The following GXYLT2 variants were observed in gnomAD, a reference collection of about 807,000 sequenced individuals.
GXYLT2 encodes the protein glucoside xylosyltransferase 2.
A neutral mutation model predicts 45.8 loss-of-function variants in GXYLT2; 53 were observed. The ratio of observed to expected loss-of-function variants is 1.16; its 90% confidence interval spans 0.93 to 1.46. GXYLT2 has a LOEUF of 1.46. GXYLT2 is among the 40% of genes most tolerant of loss of function. The probability of loss-of-function intolerance (pLI) is 0.00; values close to 1 mark genes in which losing one functional copy is unlikely to be tolerated. For synonymous variants in GXYLT2, 219 were observed against 214.2 expected, an observed-to-expected ratio of 1.02 and a Z score of -0.19; for missense variants, 551 against 544.4, an observed-to-expected ratio of 1.01 and a Z score of -0.12.
At chr3:72,899,653 A>G (rs1709363795) in intron 1 of GXYLT2, among the ~76,000 whole-genome samples, 1 of 152,186 alleles carries the variant, frequency 6.6e-6, no homozygotes, top group Non-Finnish European at 1.5e-5. Flanking sequence ...AACACTTGAC[A>G]TGGCTATAAT....
At chr3:72,900,571 C>T (rs1709384622) in intron 1 of GXYLT2, among the ~76,000 whole-genome samples, 1 of 152,036 alleles carries the variant, frequency 6.6e-6, no homozygotes. Context: ...CCCGCAACCA[C>T]ACCCAGCTAC....
rs183558917 is a variant in GXYLT2, at chr3:72,976,487, G to T, written c.*1328G>T. The T allele has an allele frequency of 7.0e-4, 107 of 152,256 alleles. No homozygotes were observed. The highest frequency in any genetic ancestry group is 2.4e-3 in the African/African-American group (101 of 41,560). The allele number at this position is 152,256 out of a possible 1,614,324, so 9.4% of individuals were successfully genotyped here. On this transcript the variant is annotated 3_prime_UTR_variant, in exon 7 of 7. Coordinates refer to ENST00000389617, the MANE Select transcript of GXYLT2 (RefSeq NM_001080393.2). ...ACAAATAGTTCAGCTGCTTCTATTG[G>T]TAAGAAAATTCAACTTCCTACCAGC...
At chr3:72,891,686 A>G (rs1438103495) in intron 1 of GXYLT2, among the ~76,000 whole-genome samples, 1 of 152,244 alleles carries the variant, frequency 6.6e-6, no homozygotes, top group Non-Finnish European at 1.5e-5. Context: ...AAGACAACGT[A>G]TAGTAAAAGA....
At chr3:72,930,577 C>T (rs376011546) in intron 3 of GXYLT2, among the ~76,000 whole-genome samples, 1 of 134,754 alleles carries the variant, frequency 7.4e-6, no homozygotes, top group Non-Finnish European at 1.6e-5. Flanking sequence ...TTTTCTTTTT[C>T]TTTTTCTTCT....
chr3:72,888,078 CGCCGCCGCCG>C lies in GXYLT2; in HGVS notation c.-149_-140del, dbSNP rs961700590. 4.5e-5 allele frequency: 13 copies of C among 290,084 alleles called. No homozygotes were observed. Among genetic ancestry groups the C allele is most frequent in the African/African-American group, 3.0e-4 (13 of 43,400 alleles). 18.0% of individuals were successfully genotyped at this position (290,084 alleles called of 1,614,324 possible). ...CTCTCTCCTCCTCCTTCGCCGTCGCCGCCGCCGCCGGCCGCCCGCCGGCCGCCACGACCCC... is the reference window on the plus strand; with the variant it reads ...CTCTCTCCTCCTCCTTCGCCGTCGCCGCCGCCCGCCGGCCGCCACGACCCC... On this transcript the variant is annotated 5_prime_UTR_variant, in exon 1 of 7. Transcript: ENST00000389617.
intron 1 of GXYLT2, among the ~76,000 whole-genome samples, chr3:72,901,468 G>GAAA (rs71124001): frequency 1.3e-3 from 152 of 115,682 alleles, no homozygotes; most frequent in African/African-American, 3.5e-3. Context: ...TGCATCAAAA[G>GAAA]AAAAAAAAAA....
At position 72,950,733 on chromosome 3, in the gene GXYLT2, C is replaced by T. The variant is rs1710506233; in HGVS notation, c.601-4365C>T. 3.3e-5 allele frequency among the ~76,000 whole-genome samples: 5 copies of T among 152,106 alleles called. No individual in the cohort carries two copies. The South Asian group carries it at 1.0e-3, about 31-fold the overall frequency. The stretch of plus-strand genomic sequence containing the variant: ...AGATTTCAAACCTAAAACTTTTAAC[C>T]ACCAAGTCATACTGTCAAACTCAGA... On this transcript the variant is annotated intron_variant, in intron 3 of 6. Coordinates refer to ENST00000389617, the MANE Select transcript of GXYLT2 (RefSeq NM_001080393.2).
intron 1 of GXYLT2, among the ~76,000 whole-genome samples, chr3:72,904,728 A>G (rs1017871419): frequency 6.6e-6 from 1 of 151,852 alleles, no homozygotes; most frequent in African/African-American, 2.4e-5. Flanking sequence ...GGCTTAAGGA[A>G]TAAGATTTTA....
At chr3:72,924,507 T>A (rs940955738) in intron 3 of GXYLT2, among the ~76,000 whole-genome samples, 4 of 152,084 alleles carry the variant, frequency 2.6e-5, no homozygotes, top group Admixed American at 2.0e-4. Context: ...CTCAGCCCAG[T>A]CTTTTTCTTA....
chr3:72,952,625 G>C (rs1710549439), intron 3 of GXYLT2, among the ~76,000 whole-genome samples: 1 of 152,146 alleles, frequency 6.6e-6, no homozygotes, highest in South Asian at 2.1e-4. Context: ...CTGGAAGTCT[G>C]AGATCAGGGT....
At chr3:72,925,013 C>T (rs916092672) in intron 3 of GXYLT2, among the ~76,000 whole-genome samples, 7 of 152,134 alleles carry the variant, frequency 4.6e-5, no homozygotes, top group Admixed American at 2.0e-4. Flanking sequence ...TCACATCTAT[C>T]GGTCTGGAAA....
intron 4 of GXYLT2, 84 bp downstream of exon 4, chr3:72,955,433 G>A: frequency 7.1e-7 from 1 of 1,401,016 alleles, no homozygotes. Flanking sequence ...TCAATATGCT[G>A]ATTTTGGAAA....
intron 5 of GXYLT2, among the ~76,000 whole-genome samples, chr3:72,963,161 A>G (rs572759545): frequency 2.7e-4 from 41 of 152,184 alleles, no homozygotes; most frequent in Admixed American, 2.6e-3. Flanking sequence ...AAAAATAAAA[A>G]TACATAAAAA....
At chr3:72,952,739 T>G (rs952791403) in intron 3 of GXYLT2, among the ~76,000 whole-genome samples, 5 of 152,044 alleles carry the variant, frequency 3.3e-5, no homozygotes, top group African/African-American at 1.2e-4. Context: ...CACTCTCTGG[T>G]GTCTCTTCTT....
At chr3:72,905,975 C>A (rs1049092036) in intron 1 of GXYLT2, among the ~76,000 whole-genome samples, 2 of 152,138 alleles carry the variant, frequency 1.3e-5, no homozygotes, top group Non-Finnish European at 2.9e-5. Flanking sequence ...TGAGGGTATT[C>A]ATATTTAAGA....
At chr3:72,891,853 A>G (rs1709187668) in intron 1 of GXYLT2, among the ~76,000 whole-genome samples, 1 of 152,234 alleles carries the variant, frequency 6.6e-6, no homozygotes, top group Non-Finnish European at 1.5e-5. Flanking sequence ...GGGAACCATG[A>G]TGGGCTGCCT....
intron 3 of GXYLT2, among the ~76,000 whole-genome samples, chr3:72,936,256 C>T (rs1213487557): frequency 3.4e-5 from 5 of 148,790 alleles, no homozygotes; most frequent in African/African-American, 7.5e-5. Flanking sequence ...TGCGCCATTG[C>T]GCTCCAGCCT....
intron 3 of GXYLT2, among the ~76,000 whole-genome samples, chr3:72,948,557 G>T (rs928737782): frequency 3.9e-5 from 6 of 152,154 alleles, no homozygotes; most frequent in Non-Finnish European, 8.8e-5. Flanking sequence ...AAAAATCCCG[G>T]GCCAGGCGCA....
chr3:72,916,732 G>T (rs1709750974), intron 2 of GXYLT2, among the ~76,000 whole-genome samples: 1 of 151,590 alleles, frequency 6.6e-6, no homozygotes, highest in Admixed American at 6.6e-5. Context: ...TAGAGACGGG[G>T]GTTTCACCAT....
Sources: allele counts gnomAD v4.1 joint callset (sites outside exome capture counted in the v4.1 genomes callset), GRCh38; gene constraint gnomAD v4.1.1; transcripts MANE v1.5; gene names NCBI Gene and HGNC (gene_info 2026-07-23, HGNC 2026-07-21).